RNF20: variants seen among roughly 807,000 people sequenced by gnomAD.
The protein encoded by RNF20 is E3 ubiquitin-protein ligase BRE1A.
A neutral mutation model predicts 126.2 loss-of-function variants in RNF20; 84 were observed. The ratio of observed to expected loss-of-function variants is 0.67; its 90% confidence interval spans 0.56 to 0.80. RNF20 has a LOEUF of 0.80. Among genes scored for constraint, RNF20 ranks in the 30% least tolerant of loss-of-function variants. RNF20 has a pLI of 0.00. For missense variants in RNF20, 869 were observed against 1,188.2 expected, an observed-to-expected ratio of 0.73 and a Z score of 3.95; for synonymous variants, 400 against 414.3, an observed-to-expected ratio of 0.97 and a Z score of 0.42.
chr9:101,559,047 T>C (rs1297289143), intron 16 of RNF20, among the ~76,000 whole-genome samples: 6 of 152,216 alleles, frequency 3.9e-5, no homozygotes, highest in Non-Finnish European at 7.3e-5. Context: ...TAGATTTAAG[T>C]CTTTGATCCA....
At chr9:101,549,590 C>G (rs989559729) in intron 9 of RNF20, among the ~76,000 whole-genome samples, 1 of 152,076 alleles carries the variant, frequency 6.6e-6, no homozygotes, top group South Asian at 2.1e-4. Flanking sequence ...AAGGGAGACT[C>G]CCTTTCCTGG....
At chr9:101,551,015 A>G (rs889522998) in intron 10 of RNF20, among the ~76,000 whole-genome samples, 1 of 152,222 alleles carries the variant, frequency 6.6e-6, no homozygotes, top group Non-Finnish European at 1.5e-5. Context: ...TTAGAATGCA[A>G]TGTGGTACAA....
chr9:101,561,237 G>A lies in RNF20; in HGVS notation c.2649+7G>A. The A allele has an allele frequency of 6.2e-7, 1 of 1,613,188 alleles. No individual in the cohort carries two copies. On this transcript the variant is annotated splice_region_variant and intron_variant, in intron 18 of 19. Coordinates refer to ENST00000389120, the MANE Select transcript of RNF20 (RefSeq NM_019592.7). ...CAATTTCAAACGAGCCCAGGTAAAA[G>A]CAGTTGTCTTTTCTTGTCACCTTTT...
intron 10 of RNF20, among the ~76,000 whole-genome samples, chr9:101,551,209 G>T (rs1827439077): frequency 6.6e-6 from 1 of 152,206 alleles, no homozygotes; most frequent in South Asian, 2.1e-4. Flanking sequence ...GAGAGCATGA[G>T]AAATAGTTTA....
rs140794843 is a variant in RNF20 at position 101,538,818 on chromosome 9, T to C, written c.130-1385T>C. Among the ~76,000 whole-genome samples, 588 of 152,330 alleles carry C rather than the reference T, an allele frequency of 3.9e-3. 2 individuals are homozygous for C. Among genetic ancestry groups the C allele is most frequent in the African/African-American group, 0.013 (561 of 41,562 alleles). ...TGTCACTTTAAAATAATGATTTCAT[T>C]AATTCCTCAGAAAAGTAAGACTATT... On this transcript the variant is annotated intron_variant, in intron 2 of 19. Coordinates refer to ENST00000389120, the MANE Select transcript of RNF20 (RefSeq NM_019592.7).
chr9:101,540,522 T>C lies in RNF20; in HGVS notation c.330T>C (p.Arg110=), dbSNP rs1827244379. 3 of 1,613,938 alleles carry C rather than the reference T, an allele frequency of 1.9e-6. No homozygotes were observed. Among genetic ancestry groups the C allele is most frequent in the Non-Finnish European group, 2.5e-6 (3 of 1,180,014 alleles). ...FDENIRIILK[R]YDLEQGLGDL... is the part of the protein sequence containing the mutation. ...AAAACATCCGTATCATCCTTAAACG[T>C]TATGATCTGGAGCAGGGCTTGGGAG... Residue 110 remains arginine (R), a synonymous_variant, in exon 4 of 20, where the codon CGT becomes CGC. Coordinates refer to ENST00000389120, the MANE Select transcript of RNF20 (RefSeq NM_019592.7).
chr9:101,560,141 G>A (rs1351277997), intron 16 of RNF20, among the ~76,000 whole-genome samples: 1 of 152,148 alleles, frequency 6.6e-6, no homozygotes, highest in Non-Finnish European at 1.5e-5. Context: ...TGCTTTTTCT[G>A]CATCTATTGA....
intron 4 of RNF20, 71 bp downstream of exon 4, chr9:101,540,708 T>C: frequency 6.3e-7 from 1 of 1,592,942 alleles, no homozygotes; most frequent in African/African-American, 1.4e-5. Context: ...GCTTTGAGGC[T>C]TTCCATTTGA....
At chr9:101,553,273 C>G (rs1229720126) in intron 13 of RNF20, among the ~76,000 whole-genome samples, 1 of 152,168 alleles carries the variant, frequency 6.6e-6, no homozygotes, top group Non-Finnish European at 1.5e-5. Flanking sequence ...TTTTCTGTGT[C>G]ATAACCTTAT....
chr9:101,553,739 C>G (rs560301569), intron 13 of RNF20, among the ~76,000 whole-genome samples: 68 of 152,234 alleles, frequency 4.5e-4, no homozygotes, highest in Non-Finnish European at 9.3e-4. Flanking sequence ...ACACAAATGT[C>G]TGTTTTATAA....
Position 101,540,315 on chromosome 9 carries a change from G to A in RNF20, c.242G>A (p.Arg81Gln), listed in dbSNP as rs1827239660. 3.7e-6 allele frequency: 6 copies of A among 1,614,050 alleles called. No homozygotes were observed. In the African/African-American group the frequency reaches 4.0e-5, roughly 11 times the overall value. Residue 81 changes from arginine to glutamine, a missense_variant, in exon 3 of 20, where the codon CGA (arginine) becomes CAA (glutamine). Transcript: ENST00000389120. ...ELREHIEKLERRQATDDASLL... is the reference protein window; with the variant it reads ...ELREHIEKLEQRQATDDASLL... The stretch of plus-strand genomic sequence containing the variant: ...CGTGAGCACATTGAAAAACTGGAAC[G>A]ACGACAGGCCACTGATGATGCCTCA...
chr9:101,551,709 A>C lies in RNF20; in HGVS notation c.1298A>C (p.Lys433Thr). 2 of 1,610,842 alleles carry C rather than the reference A, an allele frequency of 1.2e-6. No homozygotes were observed. Among genetic ancestry groups the C allele is most frequent in the Non-Finnish European group, 1.7e-6 (2 of 1,179,116 alleles). Residue 433 changes from lysine (K) to threonine (T), a missense_variant, in exon 11 of 20, where the codon AAG becomes ACG. By Grantham distance (78) the Lys-to-Thr change is moderately conservative. Transcript: ENST00000389120. Reference protein sequence around the residue: ...IERDEVSLHKKLRTEVIQLED... With the variant: ...IERDEVSLHKTLRTEVIQLED... ...CGAGATGAGGTTAGTCTTCATAAGA[A>C]GCTGAGGACTGAAGTAATTCAGCTA...
At chr9:101,552,900 T>C in intron 13 of RNF20, 147 bp downstream of exon 13, 1 of 816,688 alleles carries the variant, frequency 1.2e-6, no homozygotes, top group Non-Finnish European at 1.9e-6. Flanking sequence ...CGTGTTCAAG[T>C]GCACAGCCAA....
chr9:101,543,136 T>G (rs941079692), intron 5 of RNF20, among the ~76,000 whole-genome samples: 1 of 152,234 alleles, frequency 6.6e-6, no homozygotes, highest in African/African-American at 2.4e-5. Context: ...TTTGGAGTTG[T>G]GTTGTGTTTT....
intron 2 of RNF20, among the ~76,000 whole-genome samples, chr9:101,538,695 C>T (rs1827219847): frequency 6.6e-6 from 1 of 152,098 alleles, no homozygotes; most frequent in Admixed American, 6.5e-5. Context: ...TAAACTGGTA[C>T]AGTGGGAAAA....
In RNF20 at chr9:101,543,397, C is replaced by T. The variant is rs950253552; in HGVS notation, c.629-1370C>T. 3.4e-5 allele frequency among the ~76,000 whole-genome samples: 5 copies of T among 147,842 alleles called. No homozygotes were observed. In the East Asian group the frequency reaches 6.2e-4, roughly 18 times the overall value. ...GGCGGCACTGTCTAACCTGCCAGAGCGGCACTGTCTAACCTGCCAGAGCGG... is the reference window on the plus strand; with the variant it reads ...GGCGGCACTGTCTAACCTGCCAGAGTGGCACTGTCTAACCTGCCAGAGCGG... On this transcript the variant is annotated intron_variant, in intron 5 of 19. Coordinates refer to ENST00000389120, the MANE Select transcript of RNF20 (RefSeq NM_019592.7).
intron 2 of RNF20, among the ~76,000 whole-genome samples, chr9:101,535,778 G>A (rs1318004877): frequency 1.3e-5 from 2 of 152,220 alleles, no homozygotes; most frequent in African/African-American, 4.8e-5. Flanking sequence ...TCGAGAATCT[G>A]GGAAGGTGGT....
Position 101,561,926 on chromosome 9 carries a change from T to C in RNF20, c.2666T>C (p.Leu889Pro). ...CTGCCACAGGAGGACATCTCTAGAC[T>C]TCGCAGGAAGCTGGAGACCACAAAG... ...FKRAQEDISR[L>P]RRKLETTKKP... The change falls in exon 19 of 20, where the codon CTT becomes CCT. Residue 889 changes from leucine to proline, a missense_variant. By Grantham distance (98) the Leu-to-Pro change is moderately conservative. Around this residue, in one of 8 missense-constraint regions of RNF20, gnomAD observed 150 missense variants for 173.7 expected, o/e 0.86. Coordinates refer to ENST00000389120, the MANE Select transcript of RNF20 (RefSeq NM_019592.7). 5 of 1,613,000 alleles carry C rather than the reference T, an allele frequency of 3.1e-6. No individual in the cohort carries two copies. The highest frequency in any genetic ancestry group is 4.2e-6 in the Non-Finnish European group (5 of 1,179,026).
In RNF20 at chr9:101,554,570, C is replaced by T. The variant is rs73503242; in HGVS notation, c.2020-124C>T. Reference sequence around the variant, plus strand: ...TGTAATGTTTTAGTATATTATGTACCTTGTTCTATAATTCTGTAAAGACTC... The same window carrying T: ...TGTAATGTTTTAGTATATTATGTACTTTGTTCTATAATTCTGTAAAGACTC... On this transcript the variant is annotated intron_variant, in intron 14 of 19. Coordinates refer to ENST00000389120, the MANE Select transcript of RNF20 (RefSeq NM_019592.7). 2.3e-3 allele frequency: 1,662 copies of T among 717,788 alleles called. 27 individuals are homozygous for T. The African/African-American group carries it at 0.027, about 12-fold the overall frequency. 44.5% of individuals were successfully genotyped at this position (717,788 alleles called of 1,614,324 possible). A position where few individuals can be genotyped will look rare whatever the true frequency, so the allele number is the denominator to read the frequency against.
Sources: allele counts gnomAD v4.1 joint callset (sites outside exome capture counted in the v4.1 genomes callset), GRCh38; gene constraint gnomAD v4.1.1; regional missense constraint gnomAD v4.1.1; transcripts MANE v1.5; gene names NCBI Gene and HGNC (gene_info 2026-07-23, HGNC 2026-07-21).